Variants in TP73 observed in about 807,000 individuals in gnomAD.
TP73 encodes the protein tumor protein p73, also known as p53-like transcription factor.
Under a neutral mutation model 62.5 loss-of-function variants are expected in TP73, and 25 were observed. The observed-to-expected ratio is 0.40, with a 90% CI of 0.29 to 0.56. TP73 has a LOEUF of 0.56. TP73 is among the 20% of genes least tolerant of loss of function. TP73 has a pLI of 0.46. For missense variants in TP73, 754 were observed against 913.3 expected (o/e 0.83, Z 2.25); for synonymous variants, 423 against 377.5 (o/e 1.12, Z -1.40).
At chr1:3,695,451 C>T (rs1024420379) in intron 3 of TP73, among the ~76,000 whole-genome samples, 1 of 152,232 alleles carries the variant, frequency 6.6e-6, no homozygotes, top group Non-Finnish European at 1.5e-5. Context: ...GGCTGTGCAC[C>T]CTTGGGCCTG....
chr1:3,729,347 T>C lies in TP73; in HGVS notation c.1095T>C (p.Phe365=). The part of the protein sequence containing the change: ...YYLQVRGREN[F]EILMKLKESL... ...CTCAGGTGCGAGGCCGGGAGAACTTTGAGATCCTGATGAAGCTGAAAGAGA... is the reference window on the plus strand; with the variant it reads ...CTCAGGTGCGAGGCCGGGAGAACTTCGAGATCCTGATGAAGCTGAAAGAGA... The change falls in exon 10 of 14, where the codon TTT becomes TTC. Residue 365 remains phenylalanine (F), a synonymous_variant. Coordinates refer to ENST00000378295, the MANE Select transcript of TP73 (RefSeq NM_005427.4). 6.2e-7 allele frequency: 1 copy of C among 1,607,198 alleles called. No individual in the cohort carries two copies. Among genetic ancestry groups the C allele is most frequent in the Admixed American group, 1.7e-5 (1 of 59,930 alleles).
At chr1:3,715,285 C>A (rs1314449429) in intron 4 of TP73, among the ~76,000 whole-genome samples, 1 of 152,172 alleles carries the variant, frequency 6.6e-6, no homozygotes. Context: ...CTTTCTGGAA[C>A]CCGGGGTGAC....
intron 4 of TP73, among the ~76,000 whole-genome samples, chr1:3,709,520 G>A (rs377718802): frequency 3.3e-5 from 5 of 152,206 alleles, no homozygotes; most frequent in African/African-American, 1.2e-4. Flanking sequence ...GCTGGCCTGG[G>A]CCTCCCAAAT....
intron 3 of TP73, among the ~76,000 whole-genome samples, chr1:3,685,575 TG>T (rs1645632450): frequency 6.6e-6 from 1 of 152,152 alleles, no homozygotes; most frequent in African/African-American, 2.4e-5. Context: ...GCCAAGAGCA[TG>T]CTGTCCCCTA....
chr1:3,729,380 G>C lies in TP73; in HGVS notation c.1128G>C (p.Glu376Asp), dbSNP rs779452461. ...EILMKLKESLELMELVPQPLV... is the reference protein window; with the variant it reads ...EILMKLKESLDLMELVPQPLV... ...TGATGAAGCTGAAAGAGAGCCTGGA[G>C]CTGATGGAGTTGGTGCCGCAGCCAC... The change falls in exon 10 of 14, where the codon GAG (glutamate) becomes GAC (aspartate). Residue 376 changes from glutamate (E) to aspartate (D), a missense_variant. This residue lies in a region of TP73 where 458 missense variants were observed against 528.7 expected (regional missense o/e 0.87). Transcript: ENST00000378295. 15 of 1,613,122 alleles carry C rather than the reference G, an allele frequency of 9.3e-6. No homozygotes were observed. The highest frequency in any genetic ancestry group is 1.3e-5 in the Non-Finnish European group (15 of 1,180,012).
At chr1:3,715,258 C>A (rs889602676) in intron 4 of TP73, among the ~76,000 whole-genome samples, 3 of 152,178 alleles carry the variant, frequency 2.0e-5, no homozygotes, top group Non-Finnish European at 4.4e-5. Flanking sequence ...TCCCACCTGA[C>A]ACCTCTGTAG....
chr1:3,659,309 G>A (rs773716195), intron 1 of TP73: 6 of 152,168 alleles, frequency 3.9e-5, no homozygotes, highest in Non-Finnish European at 8.8e-5. Flanking sequence ...ATGTCTGGGC[G>A]GCCCACGCAG....
intron 10 of TP73, 140 bp downstream of exon 10, chr1:3,729,588 C>T (rs1393311070): frequency 3.5e-6 from 5 of 1,426,664 alleles, no homozygotes; most frequent in East Asian, 4.6e-5. Flanking sequence ...GCAGAGCCCA[C>T]CCCACATCTC....
chr1:3,691,051 A>AGTCTGCTGCCAGTTGGG, intron 3 of TP73: 1 of 1,483,626 alleles, frequency 6.7e-7, no homozygotes, highest in South Asian at 1.2e-5. Flanking sequence ...CCTGGCCTGG[A>AGTCTGCTGCCAGTTGGG]GTCTGCTGCC....
At chr1:3,654,553 C>G (rs1311340595) in intron 1 of TP73, among the ~76,000 whole-genome samples, 1 of 152,214 alleles carries the variant, frequency 6.6e-6, no homozygotes, top group African/African-American at 2.4e-5. Context: ...AATAGTAGTT[C>G]CTGCCTCAGA....
At chr1:3,686,000 G>C (rs1002220432) in intron 3 of TP73, among the ~76,000 whole-genome samples, 1 of 152,208 alleles carries the variant, frequency 6.6e-6, no homozygotes, top group Non-Finnish European at 1.5e-5. Flanking sequence ...CGGGGCTACC[G>C]ATAGTCCTGA....
intron 3 of TP73, among the ~76,000 whole-genome samples, chr1:3,690,229 C>T (rs752264217): frequency 3.9e-5 from 6 of 152,316 alleles, no homozygotes; most frequent in Admixed American, 6.5e-5. Context: ...CTGTCTCCCT[C>T]GGGGGTCTAG....
intron 4 of TP73, among the ~76,000 whole-genome samples, chr1:3,713,084 G>C (rs79101033): frequency 1.3e-5 from 2 of 152,200 alleles, no homozygotes; most frequent in African/African-American, 4.8e-5. Flanking sequence ...AATGGGGTGT[G>C]GGGGGAGCCC....
chr1:3,668,249 C>A (rs539971225), intron 1 of TP73, among the ~76,000 whole-genome samples: 2 of 152,178 alleles, frequency 1.3e-5, no homozygotes, highest in African/African-American at 4.8e-5. Flanking sequence ...AAGAGTCACC[C>A]GGCTGCGATG....
At chr1:3,671,656 C>T (rs547605508) in intron 1 of TP73, among the ~76,000 whole-genome samples, 6 of 152,368 alleles carry the variant, frequency 3.9e-5, no homozygotes, top group Admixed American at 2.0e-4. Context: ...GCAGGCTGCT[C>T]GCCCTCTCGG....
chr1:3,671,017 A>T (rs1645228415), intron 1 of TP73, among the ~76,000 whole-genome samples: 1 of 152,140 alleles, frequency 6.6e-6, no homozygotes, highest in Admixed American at 6.5e-5. Flanking sequence ...CGTCTCTTAA[A>T]TGGGGGTGCG....
chr1:3,664,698 G>A (rs1039497477), intron 1 of TP73, among the ~76,000 whole-genome samples: 4 of 152,166 alleles, frequency 2.6e-5, no homozygotes, highest in African/African-American at 4.8e-5. Flanking sequence ...TTCAGTGTGG[G>A]TCATTCCTGA....
intron 10 of TP73, chr1:3,729,719 T>C (rs1011032947): frequency 1.2e-5 from 9 of 767,138 alleles, no homozygotes; most frequent in Non-Finnish European, 2.0e-5. Context: ...CCAGGAGGGG[T>C]GGCCAGAGTG....
intron 3 of TP73, among the ~76,000 whole-genome samples, chr1:3,695,665 C>CG (rs1638581670): frequency 6.6e-6 from 1 of 152,236 alleles, no homozygotes; most frequent in African/African-American, 2.4e-5. Context: ...GGCCCTGGGG[C>CG]GGGGGGAAGC....
Sources: allele counts gnomAD v4.1 joint callset (sites outside exome capture counted in the v4.1 genomes callset), GRCh38; gene constraint gnomAD v4.1.1; regional missense constraint gnomAD v4.1.1; transcripts MANE v1.5; gene names NCBI Gene and HGNC (gene_info 2026-07-23, HGNC 2026-07-21).